Variants in GATAD2A observed in about 807,000 individuals in gnomAD.
The protein encoded by GATAD2A is GATA zinc finger domain containing 2A, also known as transcriptional repressor p66-alpha.
Under a neutral mutation model 68.5 loss-of-function variants are expected in GATAD2A, and 12 were observed. The observed-to-expected ratio is 0.18, with a 90% CI of 0.11 to 0.28. The LOEUF is 0.28. Ranked by LOEUF, GATAD2A falls within the 10% of genes least tolerant of loss-of-function variation. The pLI, the probability that GATAD2A is intolerant of heterozygous loss-of-function variation, is 1.00. For missense variants in GATAD2A, 755 were observed against 868.5 expected, an observed-to-expected ratio of 0.87 and a Z score of 1.64; for synonymous variants, 410 against 375.3, an observed-to-expected ratio of 1.09 and a Z score of -1.07.
At chr19:19,397,024 C>T (rs1208459854) in intron 1 of GATAD2A, among the ~76,000 whole-genome samples, 3 of 152,046 alleles carry the variant, frequency 2.0e-5, no homozygotes, top group African/African-American at 7.2e-5. Context: ...TCTTAAGTGG[C>T]TAGGTGTTCT....
At chr19:19,402,217 C>T (rs1189243457), upstream of GATAD2A, 4 of 151,908 alleles carry the variant, frequency 2.6e-5, no homozygotes, top group Non-Finnish European at 4.4e-5. Context: ...TGCCACCAGG[C>T]TGGGCTAATT....
At chr19:19,502,204 T>G (rs1402524499) in intron 10 of GATAD2A, 127 bp from the exon 11 acceptor site, 23 of 903,268 alleles carry the variant, frequency 2.5e-5, no homozygotes, top group Non-Finnish European at 3.9e-5. Context: ...GGTCTCCTGA[T>G]TTTGGACTTT....
chr19:19,495,686 C>A, intron 5 of GATAD2A, 68 bp from the exon 6 acceptor site: 81 of 1,047,634 alleles, frequency 7.7e-5, no homozygotes, highest in Middle Eastern at 2.6e-4. Context: ...AGCAGCAAAA[C>A]TGCTTGCTTT....
chr19:19,466,029 G>C (rs1430569257), intron 2 of GATAD2A, among the ~76,000 whole-genome samples: 1 of 152,196 alleles, frequency 6.6e-6, no homozygotes, highest in Non-Finnish European at 1.5e-5. Context: ...TGGTCACTTG[G>C]CTAGGGATAG....
chr19:19,498,755 G>C, intron 8 of GATAD2A, 33 bp downstream of exon 8: 1 of 1,564,218 alleles, frequency 6.4e-7, no homozygotes, highest in Non-Finnish European at 8.7e-7. Context: ...GGCTGCTTCC[G>C]CCTCTGGCCT....
chr19:19,495,330 A>T (rs1389704057), intron 5 of GATAD2A, among the ~76,000 whole-genome samples: 2 of 151,580 alleles, frequency 1.3e-5, no homozygotes, highest in Admixed American at 6.6e-5. Context: ...TCTTTTTGAG[A>T]TGGAGTCTTG....
At chr19:19,417,688 T>A (rs2051824744) in intron 1 of GATAD2A, among the ~76,000 whole-genome samples, 2 of 152,180 alleles carry the variant, frequency 1.3e-5, no homozygotes, top group Admixed American at 1.3e-4. Flanking sequence ...TTTCTGAGCA[T>A]GACAATATCG....
At chr19:19,407,837 A>G (rs1173751176) in intron 1 of GATAD2A, among the ~76,000 whole-genome samples, 1 of 152,174 alleles carries the variant, frequency 6.6e-6, no homozygotes. Context: ...GGATGTGGGA[A>G]ATTTGCAAGG....
intron 2 of GATAD2A, chr19:19,474,041 C>A (rs2058502318): frequency 1.0e-6 from 1 of 984,922 alleles, no homozygotes; most frequent in Admixed American, 6.1e-5. Flanking sequence ...AGACATCCAG[C>A]CACCCAGTTG....
intron 1 of GATAD2A, among the ~76,000 whole-genome samples, chr19:19,437,118 T>G (rs2054456602): frequency 6.6e-6 from 1 of 152,122 alleles, no homozygotes; most frequent in African/African-American, 2.4e-5. Context: ...GAAACTTTCG[T>G]GGTACTTATA....
At chr19:19,477,225 G>A (rs2058731737) in intron 2 of GATAD2A, among the ~76,000 whole-genome samples, 1 of 152,182 alleles carries the variant, frequency 6.6e-6, no homozygotes, top group Non-Finnish European at 1.5e-5. Context: ...GGGAGGGGAC[G>A]TCTGATGGGT....
chr19:19,451,159 G>T (rs182049646), intron 1 of GATAD2A, among the ~76,000 whole-genome samples: 1 of 151,328 alleles, frequency 6.6e-6, no homozygotes, highest in Non-Finnish European at 1.5e-5. Context: ...CGGATCATGA[G>T]ATCAGGAGAT....
intron 1 of GATAD2A, among the ~76,000 whole-genome samples, chr19:19,448,998 A>G (rs1348298322): frequency 2.0e-5 from 3 of 152,274 alleles, no homozygotes; most frequent in Non-Finnish European, 2.9e-5. Context: ...TGTGGACACT[A>G]TCGTCCCCTG....
chr19:19,493,902 C>T (rs2059974936), intron 4 of GATAD2A, among the ~76,000 whole-genome samples: 2 of 152,092 alleles, frequency 1.3e-5, no homozygotes, highest in African/African-American at 4.8e-5. Context: ...TAAAAAGTGC[C>T]CAGAGTCACC....
chr19:19,440,529 A>T (rs748979372), intron 1 of GATAD2A: 7 of 197,444 alleles, frequency 3.5e-5, no homozygotes, highest in Non-Finnish European at 7.4e-5. Context: ...AAGTGCTGGG[A>T]TAACAAGTGT....
chr19:19,452,038 C>T (rs553825273), intron 1 of GATAD2A, among the ~76,000 whole-genome samples: 31 of 152,256 alleles, frequency 2.0e-4, no homozygotes, highest in Admixed American at 6.5e-4. Context: ...GAGCAAGACT[C>T]AGAAGTAGGA....
chr19:19,477,212 CAAGG>C (rs1422257440), intron 2 of GATAD2A, among the ~76,000 whole-genome samples: 2 of 152,040 alleles, frequency 1.3e-5, no homozygotes, highest in African/African-American at 4.8e-5. Context: ...GGGTGGGAGA[CAAGG>C]GAGGGGACGT....
At chr19:19,495,629 C>T (rs1241789289) in intron 5 of GATAD2A, 125 bp from the exon 6 acceptor site, 2 of 840,184 alleles carry the variant, frequency 2.4e-6, no homozygotes, top group Non-Finnish European at 3.4e-6. Context: ...AACTTCTCTG[C>T]TACTTAAAAA....
intron 2 of GATAD2A, among the ~76,000 whole-genome samples, chr19:19,472,130 CA>C (rs2058359863): frequency 6.6e-6 from 1 of 152,208 alleles, no homozygotes; most frequent in African/African-American, 2.4e-5. Context: ...CTCCTGATCT[CA>C]AGTGATCCTC....
Sources: gnomAD v4.1 joint callset for allele counts (sites outside exome capture counted in the v4.1 genomes callset) on GRCh38, gnomAD v4.1.1 for gene constraint, MANE v1.5 for transcripts, NCBI Gene and HGNC (gene_info 2026-07-23, HGNC 2026-07-21) for gene names.